Variants in SEC24B observed in about 807,000 individuals in gnomAD.
The protein encoded by SEC24B is protein transport protein Sec24B.
In SEC24B, 45 loss-of-function variants were observed where a neutral mutation model predicts 142.8. The ratio of observed to expected loss-of-function variants is 0.32; its 90% confidence interval spans 0.25 to 0.40. The LOEUF (loss-of-function observed/expected upper bound fraction) is 0.40, where lower values mean the gene tolerates loss of function less well. SEC24B is among the 10% of genes least tolerant of loss of function. The pLI is 1.00. For synonymous variants in SEC24B, 574 were observed against 568.2 expected (o/e 1.01, Z -0.15); for missense variants, 1,409 against 1,526.8 (o/e 0.92, Z 1.29).
At chr4:109,515,186 T>C (rs920378282) in intron 10 of SEC24B, among the ~76,000 whole-genome samples, 2 of 152,070 alleles carry the variant, frequency 1.3e-5, no homozygotes, top group African/African-American at 4.8e-5. Flanking sequence ...CTGCAAGCTC[T>C]GCCTCCCGGG....
chr4:109,455,466 C>G (rs913810689), intron 1 of SEC24B, among the ~76,000 whole-genome samples: 19 of 152,100 alleles, frequency 1.2e-4, no homozygotes, highest in Non-Finnish European at 2.5e-4. Context: ...GTCTCCAACC[C>G]CTGACCTCAG....
intron 6 of SEC24B, among the ~76,000 whole-genome samples, chr4:109,504,550 T>C (rs980985642): frequency 6.6e-6 from 1 of 152,172 alleles, no homozygotes; most frequent in Non-Finnish European, 1.5e-5. Flanking sequence ...GATTGGGAGT[T>C]AGATCTAATG....
At chr4:109,524,758 A>G in intron 14 of SEC24B, 60 bp from the exon 15 acceptor site, 1 of 1,506,048 alleles carries the variant, frequency 6.6e-7, no homozygotes, top group South Asian at 1.3e-5. Context: ...TGTTATAAAA[A>G]TGACATGAAA....
Position 109,438,657 on chromosome 4 carries a change from G to A in SEC24B, c.133+4655G>A, listed in dbSNP as rs189731343. On this transcript the variant is annotated intron_variant, in intron 1 of 23. Coordinates refer to ENST00000265175, the MANE Select transcript of SEC24B (RefSeq NM_006323.5). ...TTTTAGAAACTTTGATGTTTGAGAA[G>A]AAAGGAATAGAGAGGCAGAAAACCT... is the stretch of plus-strand genomic sequence containing the variant. 2.7e-4 allele frequency among the ~76,000 whole-genome samples: 41 copies of A among 152,312 alleles called. No individual in the cohort carries two copies. In the East Asian group the frequency reaches 5.8e-3, roughly 21 times the overall value.
At chr4:109,498,458 A>G (rs1205263223) in intron 6 of SEC24B, among the ~76,000 whole-genome samples, 1 of 152,092 alleles carries the variant, frequency 6.6e-6, no homozygotes, top group African/African-American at 2.4e-5. Context: ...TCCACCTTCC[A>G]GATTCAAGCG....
intron 23 of SEC24B, among the ~76,000 whole-genome samples, chr4:109,539,272 A>T (rs866611662): frequency 0.021 from 3,013 of 143,546 alleles, 97 homozygotes; most frequent in African/African-American, 0.07. Context: ...AATTTTAAAA[A>T]TTTTTTTTTT....
chr4:109,441,739 A>T (rs950061684), intron 1 of SEC24B, among the ~76,000 whole-genome samples: 1 of 152,206 alleles, frequency 6.6e-6, no homozygotes, highest in Non-Finnish European at 1.5e-5. Context: ...CCTCACTCAT[A>T]GCACTCATTG....
chr4:109,521,431 C>T lies in SEC24B; in HGVS notation c.2313C>T (p.Asp771=), dbSNP rs764875603. 2.7e-5 allele frequency: 43 copies of T among 1,613,226 alleles called. No homozygotes were observed. Among genetic ancestry groups the T allele is most frequent in the Non-Finnish European group, 3.6e-5 (43 of 1,179,540 alleles). ...CTTTGTTTTCTCAGCTTATAAAAGA[C>T]TTACTGAATGCATTACCAAACATGT... ...NLYESKELIK[D]LLNALPNMFT... The change falls in exon 14 of 24, where the codon GAC becomes GAT. Residue 771 remains aspartate (D), a synonymous_variant. Transcript: ENST00000265175.
intron 22 of SEC24B, among the ~76,000 whole-genome samples, chr4:109,535,241 A>C (rs1255498755): frequency 6.6e-6 from 1 of 152,124 alleles, no homozygotes; most frequent in Non-Finnish European, 1.5e-5. Context: ...TTTTCCAACA[A>C]CTTTAACTTT....
intron 1 of SEC24B, among the ~76,000 whole-genome samples, chr4:109,452,294 G>GTATACCATGATTA (rs1730188784): frequency 6.6e-6 from 1 of 152,140 alleles, no homozygotes; most frequent in African/African-American, 2.4e-5. Flanking sequence ...TGTTGTATGT[G>GTATACCATGATTA]TATACCATGA....
At chr4:109,448,518 T>G (rs1729699212) in intron 1 of SEC24B, among the ~76,000 whole-genome samples, 1 of 152,108 alleles carries the variant, frequency 6.6e-6, no homozygotes, top group Non-Finnish European at 1.5e-5. Context: ...TTTTTTTTTT[T>G]GAGCCTCCCA....
At chr4:109,469,672 G>C (rs538269395) in intron 2 of SEC24B, among the ~76,000 whole-genome samples, 1 of 152,234 alleles carries the variant, frequency 6.6e-6, no homozygotes, top group Non-Finnish European at 1.5e-5. Flanking sequence ...ATGTGTAAAT[G>C]CAAAAAGGCA....
At chr4:109,535,800 C>G (rs564505556) in intron 22 of SEC24B, among the ~76,000 whole-genome samples, 6 of 151,940 alleles carry the variant, frequency 3.9e-5, no homozygotes, top group Non-Finnish European at 7.4e-5. Flanking sequence ...TGCAGTGAGC[C>G]GAGATCACGC....
intron 6 of SEC24B, among the ~76,000 whole-genome samples, chr4:109,505,895 CATTA>C (rs1387840269): frequency 2.6e-5 from 4 of 152,032 alleles, no homozygotes; most frequent in South Asian, 4.1e-4. Flanking sequence ...GATAACAAGC[CATTA>C]ATTCATGATA....
At chr4:109,522,489 G>T (rs944940916) in intron 14 of SEC24B, among the ~76,000 whole-genome samples, 1 of 151,912 alleles carries the variant, frequency 6.6e-6, no homozygotes, top group African/African-American at 2.4e-5. Flanking sequence ...TCTAGTTAAA[G>T]GTTAAATAAC....
intron 1 of SEC24B, among the ~76,000 whole-genome samples, chr4:109,458,288 T>G (rs1730908690): frequency 6.6e-6 from 1 of 152,216 alleles, no homozygotes; most frequent in African/African-American, 2.4e-5. Context: ...ACTGGTAACA[T>G]TTTCCCCCAA....
intron 1 of SEC24B, among the ~76,000 whole-genome samples, chr4:109,454,543 AAAAAAAAAGAAAG>A (rs974924121): frequency 4.0e-5 from 6 of 151,804 alleles, no homozygotes; most frequent in African/African-American, 1.5e-4. Flanking sequence ...GTCTCCAAAA[AAAAAAAAAGAAAG>A]AAAAATAAAA....
In SEC24B at chr4:109,539,873, G is replaced by A. The variant is rs1478216590; in HGVS notation, c.*198G>A. 7 of 552,660 alleles carry A rather than the reference G, an allele frequency of 1.3e-5. No homozygotes were observed. The highest frequency in any genetic ancestry group is 3.8e-5 in the African/African-American group (2 of 52,516). The allele number at this position is 552,660 out of a possible 1,614,324, so 34.2% of individuals were successfully genotyped here. A position where few individuals can be genotyped will look rare whatever the true frequency, so the allele number is the denominator to read the frequency against. ...TTTTTCAACTCAAATTAATGGTAAC[G>A]ATGATGCTGTTTCACCAAGTATATT... On this transcript the variant is annotated 3_prime_UTR_variant, in exon 24 of 24. Coordinates refer to ENST00000265175, the MANE Select transcript of SEC24B (RefSeq NM_006323.5).
intron 5 of SEC24B, among the ~76,000 whole-genome samples, chr4:109,493,564 C>A (rs1016135787): frequency 6.6e-6 from 1 of 150,750 alleles, no homozygotes; most frequent in Non-Finnish European, 1.5e-5. Context: ...TCATTAAATA[C>A]ATTTTATTTG....
Sources: gnomAD v4.1 joint callset for allele counts (sites outside exome capture counted in the v4.1 genomes callset) on GRCh38, gnomAD v4.1.1 for gene constraint, MANE v1.5 for transcripts, NCBI Gene and HGNC (gene_info 2026-07-23, HGNC 2026-07-21) for gene names.